The following EXOC6B variants were observed in gnomAD, a reference collection of about 807,000 sequenced individuals.
EXOC6B encodes the protein exocyst complex component 6B, also known as SEC15 homolog B.
In EXOC6B, 54 loss-of-function variants were observed where a neutral mutation model predicts 113.5. The observed-to-expected ratio is 0.48, with a 90% CI of 0.38 to 0.60. The LOEUF is 0.60. EXOC6B is among the 20% of genes least tolerant of loss of function. The pLI is 0.00. For synonymous variants in EXOC6B, 357 were observed against 339.0 expected (o/e 1.05, Z -0.58); for missense variants, 797 against 977.5 (o/e 0.82, Z 2.46).
chr2:72,508,217 T>C (rs1700714024), intron 11 of EXOC6B, among the ~76,000 whole-genome samples: 1 of 142,330 alleles, frequency 7.0e-6, no homozygotes, highest in African/African-American at 2.7e-5. Context: ...TGGGAAGTAT[T>C]ATTAAATATT....
At chr2:72,299,946 A>T (rs1218208178) in intron 20 of EXOC6B, among the ~76,000 whole-genome samples, 2 of 152,040 alleles carry the variant, frequency 1.3e-5, no homozygotes, top group Non-Finnish European at 2.9e-5. Context: ...CTCCTGTATG[A>T]GGTGTCTGTT....
chr2:72,464,104 A>T (rs985225133), intron 18 of EXOC6B: 3 of 152,150 alleles, frequency 2.0e-5, no homozygotes, highest in African/African-American at 7.2e-5. Context: ...TAGATTCAAC[A>T]TATGATTTTT....
intron 1 of EXOC6B, among the ~76,000 whole-genome samples, chr2:72,790,996 T>C (rs1684644208): frequency 6.6e-6 from 1 of 152,072 alleles, no homozygotes; most frequent in Non-Finnish European, 1.5e-5. Flanking sequence ...AAATTACAGC[T>C]AGATAGGAGC....
At chr2:72,578,521 T>C (rs1332845746) in intron 6 of EXOC6B, among the ~76,000 whole-genome samples, 1 of 152,066 alleles carries the variant, frequency 6.6e-6, no homozygotes, top group African/African-American at 2.4e-5. Context: ...AAAACCCAAG[T>C]ACAATTCTTC....
intron 1 of EXOC6B, among the ~76,000 whole-genome samples, chr2:72,773,086 T>A (rs1276677409): frequency 6.6e-6 from 1 of 151,486 alleles, no homozygotes; most frequent in African/African-American, 2.4e-5. Flanking sequence ...TATTGTATAA[T>A]TTAAATTTGC....
intron 8 of EXOC6B, among the ~76,000 whole-genome samples, chr2:72,552,658 C>T (rs976256079): frequency 1.3e-5 from 2 of 151,906 alleles, no homozygotes; most frequent in African/African-American, 4.8e-5. Flanking sequence ...TTAAATTCTA[C>T]AGGATGTTAT....
At position 72,457,912 on chromosome 2, in the gene EXOC6B, A is replaced by C. The variant is rs114657218; in HGVS notation, c.1980+7248T>G. On this transcript the variant is annotated intron_variant, in intron 18 of 21. Coordinates refer to ENST00000272427, the MANE Select transcript of EXOC6B (RefSeq NM_015189.3). Reference sequence around the variant, plus strand: ...TGACCACTGCCTATCTAACAATGAGAATAATCTGCAAACAAACACACTCGG... The same window carrying C: ...TGACCACTGCCTATCTAACAATGAGCATAATCTGCAAACAAACACACTCGG... Among the ~76,000 whole-genome samples the C allele has an allele frequency of 5.5e-3, 838 of 152,264 alleles. 6 individuals carry two copies. Among genetic ancestry groups the C allele is most frequent in the African/African-American group, 0.019 (810 of 41,562 alleles).
intron 6 of EXOC6B, among the ~76,000 whole-genome samples, chr2:72,624,048 T>G (rs1238852190): frequency 6.6e-6 from 1 of 152,216 alleles, no homozygotes; most frequent in Non-Finnish European, 1.5e-5. Context: ...CTATTTACTG[T>G]TTTTAGTCCT....
At chr2:72,431,047 G>C (rs11889717) in intron 18 of EXOC6B, among the ~76,000 whole-genome samples, 1,576 of 152,200 alleles carry the variant, frequency 0.01, 41 homozygotes, top group African/African-American at 0.036. Flanking sequence ...CTTGTTGGGG[G>C]TTGCATGTTA....
At chr2:72,626,410 G>C (rs150833278) in intron 6 of EXOC6B, among the ~76,000 whole-genome samples, 2 of 152,060 alleles carry the variant, frequency 1.3e-5, no homozygotes, top group South Asian at 4.1e-4. Flanking sequence ...AAAGATGTTA[G>C]GTTCTAATTT....
At chr2:72,728,297 G>C (rs1414141543) in intron 5 of EXOC6B, among the ~76,000 whole-genome samples, 3 of 152,142 alleles carry the variant, frequency 2.0e-5, no homozygotes, top group African/African-American at 7.2e-5. Context: ...ATCCCAGCCA[G>C]ACCTATTCAA....
chr2:72,675,971 T>G (rs1266461159), intron 6 of EXOC6B, among the ~76,000 whole-genome samples: 1 of 152,100 alleles, frequency 6.6e-6, no homozygotes, highest in Non-Finnish European at 1.5e-5. Flanking sequence ...GTAGAAATTT[T>G]TTTTTAAAGA....
chr2:72,756,397 T>C (rs1467835678), intron 1 of EXOC6B, among the ~76,000 whole-genome samples: 1 of 152,212 alleles, frequency 6.6e-6, no homozygotes, highest in Non-Finnish European at 1.5e-5. Flanking sequence ...ATCATGGTTC[T>C]GAAAAAAGTT....
chr2:72,758,709 C>T (rs1372101650), intron 1 of EXOC6B, among the ~76,000 whole-genome samples: 1 of 152,190 alleles, frequency 6.6e-6, no homozygotes, highest in African/African-American at 2.4e-5. Flanking sequence ...CAGCTATGTC[C>T]ATAAATACTA....
intron 19 of EXOC6B, among the ~76,000 whole-genome samples, chr2:72,341,885 C>CATGA (rs1689051001): frequency 6.6e-6 from 1 of 152,074 alleles, no homozygotes; most frequent in Non-Finnish European, 1.5e-5. Context: ...TTGTAATCAT[C>CATGA]TTAAGTACCT....
intron 1 of EXOC6B, among the ~76,000 whole-genome samples, chr2:72,784,248 T>C (rs190355417): frequency 1.9e-3 from 292 of 152,326 alleles, no homozygotes; most frequent in Middle Eastern, 3.4e-3. Context: ...TACTATTGCC[T>C]AGTAATATAT....
At chr2:72,372,516 A>G (rs1186852749) in intron 19 of EXOC6B, among the ~76,000 whole-genome samples, 3 of 152,160 alleles carry the variant, frequency 2.0e-5, no homozygotes, top group African/African-American at 7.2e-5. Context: ...AAGAATTCAC[A>G]TACCTATAGT....
chr2:72,484,142 C>CTT (rs76559193), intron 16 of EXOC6B, among the ~76,000 whole-genome samples: 4 of 135,318 alleles, frequency 3.0e-5, no homozygotes, highest in South Asian at 2.4e-4. Context: ...GAGGTAATTT[C>CTT]TTTTTTTTTT....
At chr2:72,348,017 A>G (rs184897438) in intron 19 of EXOC6B, among the ~76,000 whole-genome samples, 62 of 152,312 alleles carry the variant, frequency 4.1e-4, no homozygotes, top group Non-Finnish European at 8.5e-4. Context: ...TTATAGTAAA[A>G]TACCATACAT....
Sources: gnomAD v4.1 joint callset for allele counts (sites outside exome capture counted in the v4.1 genomes callset) on GRCh38, gnomAD v4.1.1 for gene constraint, MANE v1.5 for transcripts, NCBI Gene and HGNC (gene_info 2026-07-23, HGNC 2026-07-21) for gene names.